KIAA0753: variants seen among roughly 807,000 people sequenced by gnomAD.
KIAA0753 encodes KIAA0753.
Under a neutral mutation model 116.9 loss-of-function variants are expected in KIAA0753, and 114 were observed. The ratio of observed to expected loss-of-function variants is 0.98; its 90% CI spans 0.84 to 1.14. The LOEUF is 1.14. Among genes scored for constraint, KIAA0753 ranks in the 50% most tolerant of loss-of-function variants. The pLI, the probability that KIAA0753 is intolerant of heterozygous loss-of-function variation, is 0.00. For synonymous variants in KIAA0753, 405 were observed against 413.1 expected (o/e 0.98, Z 0.24); for missense variants, 1,156 against 1,172.4 (o/e 0.99, Z 0.20).
Position 6,623,492 on chromosome 17 carries a change from A to C in KIAA0753, c.888+17T>G, listed in dbSNP as rs1971462598. 2 of 1,570,476 alleles carry C rather than the reference A, an allele frequency of 1.3e-6. No individual in the cohort carries two copies. The highest frequency in any genetic ancestry group is 4.5e-5 in the East Asian group (2 of 44,650). On this transcript the variant is annotated intron_variant, in intron 5 of 18. Coordinates refer to ENST00000361413, the MANE Select transcript of KIAA0753 (RefSeq NM_014804.3). ...CATTTATAAGCAAGTATTGATCATAATTTAATTGCAGCATACCTTCTTAGT... is the reference window on the plus strand; with the variant it reads ...CATTTATAAGCAAGTATTGATCATACTTTAATTGCAGCATACCTTCTTAGT...
rs148231003 is a variant in KIAA0753, at chr17:6,624,769, C to A, written c.811G>T (p.Val271Phe). Reference protein sequence around the residue: ...QAARSARMLYVLQQQVKEIQE... With the variant: ...QAARSARMLYFLQQQVKEIQE... ...ACTTTTCACACCTGCTGCTGGAGGA[C>A]GTAGAGCATTCGGGCAGAGCGAGCA... is the stretch of plus-strand genomic sequence containing the variant. The change falls in exon 4 of 19, where the codon GTC becomes TTC. Residue 271 changes from valine (V) to phenylalanine (F), a missense_variant. Transcript: ENST00000361413. The A allele has an allele frequency of 6.4e-7, 1 of 1,558,648 alleles. No individual in the cohort carries two copies. The highest frequency in any genetic ancestry group is 8.7e-7 in the Non-Finnish European group (1 of 1,149,680).
intron 8 of KIAA0753, among the ~76,000 whole-genome samples, chr17:6,610,773 T>A (rs1970490017): frequency 6.6e-6 from 1 of 152,074 alleles, no homozygotes. Flanking sequence ...GTAAAACATT[T>A]TTCATAAAAA....
chr17:6,584,975 GT>G (rs372381857), intron 18 of KIAA0753, among the ~76,000 whole-genome samples: 1 of 151,466 alleles, frequency 6.6e-6, no homozygotes, highest in Admixed American at 6.6e-5. Context: ...CTAATTTTTT[GT>G]TTTTTGTAGA....
chr17:6,582,556 C>T (rs1968256231), intron 18 of KIAA0753, among the ~76,000 whole-genome samples: 1 of 152,174 alleles, frequency 6.6e-6, no homozygotes, highest in Non-Finnish European at 1.5e-5. Context: ...GCTAATCTGA[C>T]AATCTTTTGT....
chr17:6,579,587 C>T lies in KIAA0753; in HGVS notation c.*160G>A. The T allele has an allele frequency of 3.1e-6, 2 of 636,454 alleles. No individual in the cohort carries two copies. The highest frequency in any genetic ancestry group is 5.7e-6 in the Non-Finnish European group (2 of 353,312). 39.4% of individuals were successfully genotyped at this position (636,454 alleles called of 1,614,324 possible). A position where few individuals can be genotyped will look rare whatever the true frequency, so the allele number is the denominator to read the frequency against. On this transcript the variant is annotated 3_prime_UTR_variant, in exon 19 of 19. Transcript: ENST00000361413. Reference sequence around the variant, plus strand: ...ACCATTGCCATGACAAAAGAAAATGCAAAGTGAGGATGACCTCCCCGGCAC... The same window carrying T: ...ACCATTGCCATGACAAAAGAAAATGTAAAGTGAGGATGACCTCCCCGGCAC...
intron 15 of KIAA0753, 58 bp downstream of exon 15, chr17:6,596,100 T>C (rs1367839531): frequency 1.3e-6 from 2 of 1,523,218 alleles, no homozygotes; most frequent in Admixed American, 1.9e-5. Context: ...GAGGAGAAAT[T>C]GCACTCGGCA....
chr17:6,588,815 G>A (rs1181425778), intron 18 of KIAA0753, among the ~76,000 whole-genome samples: 1 of 151,964 alleles, frequency 6.6e-6, no homozygotes, highest in Non-Finnish European at 1.5e-5. Flanking sequence ...ATAAAAAAAG[G>A]GCTACCCATT....
At chr17:6,602,763 A>G (rs1969958707) in intron 12 of KIAA0753, among the ~76,000 whole-genome samples, 1 of 152,236 alleles carries the variant, frequency 6.6e-6, no homozygotes, top group East Asian at 1.9e-4. Context: ...GCATTTTACT[A>G]TATGTAAATT....
In KIAA0753 at chr17:6,622,904, A is replaced by G. The variant is rs1971421758; in HGVS notation, c.1082T>C (p.Ile361Thr). The G allele has an allele frequency of 1.2e-6, 2 of 1,614,050 alleles. No individual in the cohort carries two copies. Among genetic ancestry groups the G allele is most frequent in the South Asian group, 1.1e-5 (1 of 91,076 alleles). The stretch of plus-strand genomic sequence containing the variant: ...TACCTCAATTTGTTGCAGAATATCT[A>G]TAACCACATCAGGAACAGAAGGGTC... ...DADPSVPDVV[I>T]DILQQIEALE... The change falls in exon 6 of 19, where the codon ATA becomes ACA. Residue 361 changes from isoleucine to threonine, a missense_variant. Coordinates refer to ENST00000361413, the MANE Select transcript of KIAA0753 (RefSeq NM_014804.3).
intron 7 of KIAA0753, among the ~76,000 whole-genome samples, chr17:6,613,296 T>C (rs1206105274): frequency 1.3e-5 from 2 of 152,140 alleles, no homozygotes; most frequent in Admixed American, 1.3e-4. Flanking sequence ...AAAATCTAAA[T>C]AAATTGTTTT....
intron 2 of KIAA0753, among the ~76,000 whole-genome samples, chr17:6,632,386 ATAAG>A (rs1192099710): frequency 1.3e-5 from 2 of 152,232 alleles, no homozygotes; most frequent in African/African-American, 4.8e-5. Flanking sequence ...GCTGAAATAA[ATAAG>A]TAAGTACTAG....
intron 18 of KIAA0753, among the ~76,000 whole-genome samples, chr17:6,581,794 T>C (rs35572290): frequency 0.32 from 48,010 of 152,142 alleles, 9,599 homozygotes; most frequent in African/African-American, 0.57. Flanking sequence ...GGCCCGTAGG[T>C]GCCTCTTGGG....
chr17:6,634,185 C>G (rs1597610482), intron 2 of KIAA0753, among the ~76,000 whole-genome samples: 1 of 151,426 alleles, frequency 6.6e-6, no homozygotes, highest in Non-Finnish European at 1.5e-5. Flanking sequence ...TCACTGCAAC[C>G]TCTGCCTCCC....
chr17:6,620,814 G>C lies in KIAA0753; in HGVS notation c.1289C>G (p.Pro430Arg). The C allele has an allele frequency of 6.2e-7, 1 of 1,614,128 alleles. No homozygotes were observed. Among genetic ancestry groups the C allele is most frequent in the Non-Finnish European group, 8.5e-7 (1 of 1,179,994 alleles). ...GGCAAGAAGCTGCTTTGCTACAGAA[G>C]GTCGACTTGTTTCCTGTGGGAATGT... is the stretch of plus-strand genomic sequence containing the variant. ...KDTFPQETSR[P>R]SVAKQLLADK... Residue 430 changes from proline to arginine, a missense_variant, in exon 7 of 19, where the codon CCT (proline) becomes CGT (arginine). Transcript: ENST00000361413.
rs1457938592 is a variant in KIAA0753 at position 6,579,700 on chromosome 17, C to G, written c.*47G>C. On this transcript the variant is annotated 3_prime_UTR_variant, in exon 19 of 19. Transcript: ENST00000361413. The stretch of plus-strand genomic sequence containing the variant: ...CTGTGGGCCAAAACAAAGGGTGGTG[C>G]CATCCCTTCTCCAGTGTGACACAAA... 7.7e-7 allele frequency: 1 copy of G among 1,302,920 alleles called. No homozygotes were observed. Among genetic ancestry groups the G allele is most frequent in the Admixed American group, 1.7e-5 (1 of 59,270 alleles). 80.7% of individuals were successfully genotyped at this position (1,302,920 alleles called of 1,614,324 possible).
At chr17:6,588,096 T>G (rs963399339) in intron 18 of KIAA0753, among the ~76,000 whole-genome samples, 1 of 152,120 alleles carries the variant, frequency 6.6e-6, no homozygotes. Flanking sequence ...GCTGAAAATT[T>G]GCAGAACAAG....
At chr17:6,605,020 G>A (rs866234684) in intron 12 of KIAA0753, among the ~76,000 whole-genome samples, 22 of 141,302 alleles carry the variant, frequency 1.6e-4, no homozygotes, top group African/African-American at 5.8e-4. Flanking sequence ...GGCCAAGGCA[G>A]AAGGATCACT....
chr17:6,596,181 T>G lies in KIAA0753; in HGVS notation c.2335A>C (p.Met779Leu). The G allele has an allele frequency of 1.2e-6, 2 of 1,613,868 alleles. No individual in the cohort carries two copies. The highest frequency in any genetic ancestry group is 1.7e-6 in the Non-Finnish European group (2 of 1,179,816). ...SKDSPDLEIM[M>L]RRMEEMEKYQ... is the part of the protein sequence containing the mutation. ...ACTTCCATCTCTTCCATTCGGCGCA[T>G]CATGATCTCCAGATCTGGGCTATCC... The change falls in exon 15 of 19, where the codon ATG becomes CTG. Residue 779 changes from methionine to leucine, a missense_variant. Physicochemically the swap from Met to Leu is conservative, Grantham distance 15. Transcript: ENST00000361413.
intron 8 of KIAA0753, among the ~76,000 whole-genome samples, chr17:6,610,516 C>CTTT (rs71157206): frequency 0.02 from 2,251 of 113,400 alleles, 131 homozygotes; most frequent in African/African-American, 0.063. Context: ...TTTTCTTTCT[C>CTTT]TTTTTTTTTT....
Sources: allele counts gnomAD v4.1 joint callset (sites outside exome capture counted in the v4.1 genomes callset), GRCh38; gene constraint gnomAD v4.1.1; transcripts MANE v1.5; gene names NCBI Gene and HGNC (gene_info 2026-07-23, HGNC 2026-07-21).